Variants in SETMAR observed in about 807,000 individuals in gnomAD.
The protein encoded by SETMAR is histone-lysine N-methyltransferase SETMAR.
In SETMAR, 44 loss-of-function variants were observed where a neutral mutation model predicts 58.4. The observed-to-expected ratio is 0.75, with a 90% CI of 0.59 to 0.97. SETMAR has a LOEUF of 0.97. Ranked by LOEUF, SETMAR falls within the 50% of genes least tolerant of loss-of-function variation. The pLI, the probability that SETMAR is intolerant of heterozygous loss-of-function variation, is 0.00. For missense variants in SETMAR, 903 were observed against 840.2 expected (o/e 1.07, Z -0.92); for synonymous variants, 332 against 307.4 (o/e 1.08, Z -0.84).
chr3:4,308,170 C>T (rs1008620664), intron 1 of SETMAR, among the ~76,000 whole-genome samples: 7 of 152,228 alleles, frequency 4.6e-5, no homozygotes, highest in Admixed American at 3.9e-4. Flanking sequence ...TTTCTCCACT[C>T]AAATGGAGAA....
rs115211991 is a variant in SETMAR, at chr3:4,315,556, C to A, written c.1021-656C>A. Among the ~76,000 whole-genome samples, 1,477 of 152,190 alleles carry A rather than the reference C, an allele frequency of 9.7e-3. 15 individuals carry two copies. The highest frequency in any genetic ancestry group is 0.032 in the African/African-American group (1,338 of 41,512). ...TTATATAGCACTTAATCCTAGAAAC[C>A]AGATTCCTAAGGTAAGAGTCAAAGA... On this transcript the variant is annotated intron_variant, in intron 2 of 2. Coordinates refer to ENST00000358065, the MANE Select transcript of SETMAR (RefSeq NM_006515.4).
chr3:4,309,358 G>C (rs989695758), intron 1 of SETMAR, among the ~76,000 whole-genome samples: 3 of 152,166 alleles, frequency 2.0e-5, no homozygotes, highest in Non-Finnish European at 4.4e-5. Context: ...TTGCTGAGAG[G>C]AGGGGTCCCT....
rs1698343674 is a variant in SETMAR, at chr3:4,310,050, A to G, written c.157-2848A>G. Among the ~76,000 whole-genome samples, 3 of 152,198 alleles carry G rather than the reference A, an allele frequency of 2.0e-5. No homozygotes were observed. In the South Asian group the frequency reaches 6.2e-4, roughly 31 times the overall value. On this transcript the variant is annotated intron_variant, in intron 1 of 2. Coordinates refer to ENST00000358065, the MANE Select transcript of SETMAR (RefSeq NM_006515.4). ...TGCACAGAATGTTGCTACACTGAAT[A>G]CTGTAGATACTTGTAACGCAGTGGT...
Position 4,316,285 on chromosome 3 carries a change from C to A in SETMAR, c.1094C>A (p.Ala365Glu). 1 of 966,466 alleles carries A rather than the reference C, an allele frequency of 1.0e-6. No individual in the cohort carries two copies. Among genetic ancestry groups the A allele is most frequent in the Non-Finnish European group, 1.6e-6 (1 of 627,586 alleles). 59.9% of individuals were successfully genotyped at this position (966,466 alleles called of 1,614,324 possible). A position where few individuals can be genotyped will look rare whatever the true frequency, so the allele number is the denominator to read the frequency against. Residue 365 changes from alanine (A) to glutamate (E), a missense_variant, in exon 3 of 3, where the codon GCA (alanine) becomes GAA (glutamate). Ala to Glu is a moderately radical substitution (Grantham distance 107). Transcript: ENST00000358065. ...FLFEFKMGRK[A>E]AETTRNINNA... ...TTCGAGTTCAAAATGGGTCGTAAAG[C>A]AGCAGAAACAACTCGCAACATCAAC...
intron 2 of SETMAR, among the ~76,000 whole-genome samples, chr3:4,314,966 A>G (rs774634763): frequency 5.3e-5 from 8 of 152,220 alleles, no homozygotes; most frequent in Non-Finnish European, 8.8e-5. Context: ...AGTACATTGT[A>G]CACTTTAAAT....
intron 1 of SETMAR, among the ~76,000 whole-genome samples, chr3:4,309,337 T>C (rs185386057): frequency 5.9e-5 from 9 of 152,274 alleles, no homozygotes; most frequent in Admixed American, 3.3e-4. Flanking sequence ...CAGGTTAGCT[T>C]TGGAATGCCC....
At chr3:4,306,826 G>C (rs1159441762) in intron 1 of SETMAR, among the ~76,000 whole-genome samples, 1 of 152,204 alleles carries the variant, frequency 6.6e-6, no homozygotes, top group African/African-American at 2.4e-5. Flanking sequence ...TTTGGCTACT[G>C]TGTGAAAAGG....
intron 2 of SETMAR, chr3:4,313,991 T>G: frequency 1.3e-6 from 1 of 751,826 alleles, no homozygotes; most frequent in Non-Finnish European, 2.1e-6. Flanking sequence ...GTGACTGTTC[T>G]AGTTAATAGG....
chr3:4,310,598 A>C (rs1462468974), intron 1 of SETMAR, among the ~76,000 whole-genome samples: 1 of 152,224 alleles, frequency 6.6e-6, no homozygotes, highest in African/African-American at 2.4e-5. Flanking sequence ...ACTGTCTATA[A>C]GTCCCTGAAG....
intron 2 of SETMAR, among the ~76,000 whole-genome samples, chr3:4,314,612 A>G (rs543512202): frequency 6.6e-6 from 1 of 152,198 alleles, no homozygotes; most frequent in African/African-American, 2.4e-5. Context: ...AATCTTGTGA[A>G]GTTATGCTTC....
At chr3:4,309,233 G>C (rs1698311063) in intron 1 of SETMAR, among the ~76,000 whole-genome samples, 1 of 152,148 alleles carries the variant, frequency 6.6e-6, no homozygotes, top group Non-Finnish European at 1.5e-5. Flanking sequence ...CAGACTTAAA[G>C]AGTCTGTTCT....
chr3:4,309,306 T>A (rs1393091187), intron 1 of SETMAR, among the ~76,000 whole-genome samples: 1 of 152,140 alleles, frequency 6.6e-6, no homozygotes, highest in African/African-American at 2.4e-5. Flanking sequence ...CCCCTTCCCA[T>A]CATGACCTGA....
intron 1 of SETMAR, among the ~76,000 whole-genome samples, chr3:4,304,557 G>A (rs183396028): frequency 1.2e-3 from 183 of 152,294 alleles, no homozygotes; most frequent in South Asian, 2.5e-3. Context: ...AGTATGGTTC[G>A]GAGCTTAGAC....
Position 4,317,200 on chromosome 3 carries a change from C to G in SETMAR, c.2009C>G (p.Ser670Cys), listed in dbSNP as rs1802310. Residue 670 changes from serine (S) to cysteine (C), a missense_variant, in exon 3 of 3, where the codon TCT becomes TGT. Transcript: ENST00000358065. The part of the protein sequence containing the change: ...FYATGINQLI[S>C]RWQKCVDCNG... ...GCTACAGGAATAAACCAACTTATTT[C>G]TCGTTGGCAAAAATGTGTTGATTGT... The G allele has an allele frequency of 6.5e-7, 1 of 1,548,480 alleles. No homozygotes were observed.
chr3:4,311,171 T>C (rs757297812), intron 1 of SETMAR, among the ~76,000 whole-genome samples: 1 of 152,228 alleles, frequency 6.6e-6, no homozygotes, highest in African/African-American at 2.4e-5. Flanking sequence ...CCTCCTCATC[T>C]TTCACAAGAG....
intron 1 of SETMAR, among the ~76,000 whole-genome samples, chr3:4,306,406 G>A (rs1203054552): frequency 1.3e-5 from 2 of 152,196 alleles, no homozygotes; most frequent in Non-Finnish European, 2.9e-5. Flanking sequence ...TTTTAAAAGG[G>A]GAGAAAGGAG....
Position 4,316,713 on chromosome 3 carries a change from T to A in SETMAR, c.1522T>A (p.Ser508Thr). 6.4e-7 allele frequency: 1 copy of A among 1,550,952 alleles called. No homozygotes were observed. Among genetic ancestry groups the A allele is most frequent in the Non-Finnish European group, 8.7e-7 (1 of 1,146,764 alleles). Residue 508 changes from serine (S) to threonine (T), a missense_variant, in exon 3 of 3, where the codon TCA (serine) becomes ACA (threonine). By Grantham distance (58) the Ser-to-Thr change is moderately conservative. Coordinates refer to ENST00000358065, the MANE Select transcript of SETMAR (RefSeq NM_006515.4). ...GATTTTATATGACAACCGGCGACGATCAGCTCAGTGGTTGGATCAAGAAGA... is the reference window on the plus strand; with the variant it reads ...GATTTTATATGACAACCGGCGACGAACAGCTCAGTGGTTGGATCAAGAAGA... ...KWILYDNRRR[S>T]AQWLDQEEAP...
At chr3:4,308,430 A>G (rs1698277120) in intron 1 of SETMAR, among the ~76,000 whole-genome samples, 1 of 152,250 alleles carries the variant, frequency 6.6e-6, no homozygotes, top group South Asian at 2.1e-4. Flanking sequence ...GTAATTTGCC[A>G]GAAACATATG....
chr3:4,313,002 C>T lies in SETMAR; in HGVS notation c.261C>T (p.Cys87=), dbSNP rs1367668234. The part of the protein sequence containing the change: ...CVKTPCLPGT[C]SCLRHGENYD... The stretch of plus-strand genomic sequence containing the variant: ...AAACTCCCTGCCTCCCTGGCACTTG[C>T]TCCTGTCTCCGCCATGGAGAGAACT... The change falls in exon 2 of 3, where the codon TGC becomes TGT. Residue 87 remains cysteine, a synonymous_variant. Transcript: ENST00000358065. 6.2e-7 allele frequency: 1 copy of T among 1,614,036 alleles called. No homozygotes were observed. Among genetic ancestry groups the T allele is most frequent in the South Asian group, 1.1e-5 (1 of 91,088 alleles).
Sources: allele counts gnomAD v4.1 joint callset (sites outside exome capture counted in the v4.1 genomes callset), GRCh38; gene constraint gnomAD v4.1.1; transcripts MANE v1.5; gene names NCBI Gene and HGNC (gene_info 2026-07-23, HGNC 2026-07-21).